The following STT3A variants were observed in gnomAD, a reference collection of about 807,000 sequenced individuals.
STT3A encodes STT3 oligosaccharyltransferase complex catalytic subunit A.
STT3A carries 34 observed loss-of-function variants against 89.2 expected under a neutral mutation model. The observed-to-expected ratio is 0.38, with a 90% CI of 0.29 to 0.51. The LOEUF (loss-of-function observed/expected upper bound fraction) is 0.51. Among genes scored for constraint, STT3A ranks in the 20% least tolerant of loss-of-function variants. The pLI is 0.89. For missense variants in STT3A, 555 were observed against 889.5 expected, an observed-to-expected ratio of 0.62 and a Z score of 4.78; for synonymous variants, 282 against 310.3, an observed-to-expected ratio of 0.91 and a Z score of 0.96.
At chr11:125,619,353 C>G (rs778648660) in intron 16 of STT3A, among the ~76,000 whole-genome samples, 7 of 152,114 alleles carry the variant, frequency 4.6e-5, no homozygotes, top group Non-Finnish European at 1.0e-4. Flanking sequence ...AGCCACCGCA[C>G]CCAGCCTGTT....
At chr11:125,607,021 T>C (rs1402709750) in intron 8 of STT3A, among the ~76,000 whole-genome samples, 1 of 152,222 alleles carries the variant, frequency 6.6e-6, no homozygotes, top group African/African-American at 2.4e-5. Context: ...CCCCAACTTA[T>C]GAAGCGTGAC....
At chr11:125,609,328 TTC>T (rs1333987198) in intron 9 of STT3A, 104 bp from the exon 10 acceptor site, 30 of 1,421,538 alleles carry the variant, frequency 2.1e-5, no homozygotes, top group Non-Finnish European at 2.8e-5. Context: ...AACCTAATCC[TTC>T]TCTGTCACTG....
At chr11:125,610,798 T>A (rs1939990232) in intron 10 of STT3A, 1 of 152,404 alleles carries the variant, frequency 6.6e-6, no homozygotes, top group Non-Finnish European at 1.5e-5. Flanking sequence ...TAGCTGGGCA[T>A]GGTAGTGTGC....
intron 17 of STT3A, among the ~76,000 whole-genome samples, chr11:125,620,357 C>G (rs568431169): frequency 6.6e-6 from 1 of 152,098 alleles, no homozygotes; most frequent in South Asian, 2.1e-4. Flanking sequence ...ACTTTTCCAG[C>G]TGGGGCTTGA....
Position 125,611,489 on chromosome 11 carries a change from T to C in STT3A, c.1179T>C (p.Gly393=), listed in dbSNP as rs769712876. ...CCCGGATTTTTATCATCATGTATGG[T>C]GTGACCAGCATGTACTTTTCAGCTG... ...SDARIFIIMY[G]VTSMYFSAVM... is the part of the protein sequence containing the mutation. The change falls in exon 11 of 18, where the codon GGT becomes GGC. Residue 393 remains glycine, a synonymous_variant. Coordinates refer to ENST00000392708, the MANE Select transcript of STT3A (RefSeq NM_152713.5). 93 of 1,613,954 alleles carry C rather than the reference T, an allele frequency of 5.8e-5. No homozygotes were observed. The highest frequency in any genetic ancestry group is 1.5e-4 in the African/African-American group (11 of 74,930).
rs1940362373 is a variant in STT3A, at chr11:125,621,999, T to C, written c.*1189T>C. ...ACAGTGAACTGTGATTGTGCCACTGTACTCCAGTCTGGGCGACAGTGAAAT... is the reference window on the plus strand; with the variant it reads ...ACAGTGAACTGTGATTGTGCCACTGCACTCCAGTCTGGGCGACAGTGAAAT... On this transcript the variant is annotated 3_prime_UTR_variant, in exon 18 of 18. Transcript: ENST00000392708. The C allele has an allele frequency of 6.6e-6, 1 of 152,216 alleles. No individual in the cohort carries two copies. The highest frequency in any genetic ancestry group is 2.4e-5 in the African/African-American group (1 of 41,454). 9.4% of individuals were successfully genotyped at this position (152,216 alleles called of 1,614,324 possible). A position where few individuals can be genotyped will look rare whatever the true frequency, so the allele number is the denominator to read the frequency against.
chr11:125,612,765 G>A lies in STT3A; in HGVS notation c.1365+18G>A. ...AGAATGAAGTGAGAAGCAATGTTAA[G>A]AGTAGACTTGGGAAACTCTGTGTGT... On this transcript the variant is annotated intron_variant, in intron 12 of 17. Transcript: ENST00000392708. The A allele has an allele frequency of 6.2e-7, 1 of 1,611,970 alleles. No individual in the cohort carries two copies. Among genetic ancestry groups the A allele is most frequent in the South Asian group, 1.1e-5 (1 of 90,730 alleles).
intron 15 of STT3A, among the ~76,000 whole-genome samples, chr11:125,616,728 A>AG (rs1940190206): frequency 6.6e-6 from 1 of 152,156 alleles, no homozygotes; most frequent in Non-Finnish European, 1.5e-5. Flanking sequence ...CCCAGGCTGG[A>AG]GTTCAGTGGC....
In STT3A at chr11:125,613,012, C is replaced by A; in HGVS notation, c.1389C>A (p.Val463=). 2 of 1,614,120 alleles carry A rather than the reference C, an allele frequency of 1.2e-6. No individual in the cohort carries two copies. The highest frequency in any genetic ancestry group is 2.2e-5 in the South Asian group (2 of 91,056). ...KNEVASGMIL[V]MAFFLITYTF... ...AGGTGGCAAGTGGGATGATACTGGT[C>A]ATGGCTTTCTTTCTCATCACCTACA... The change falls in exon 13 of 18, where the codon GTC becomes GTA. Residue 463 remains valine (V), a synonymous_variant. Transcript: ENST00000392708. The surrounding 1 kb of genome is among the most constrained non-coding windows in gnomAD (Gnocchi z 4.2).
At chr11:125,592,271 A>G (rs1003552121), upstream of STT3A, 15 of 384,418 alleles carry the variant, frequency 3.9e-5, no homozygotes, top group South Asian at 5.7e-5. Context: ...TTACCAAGGC[A>G]CAGTAAAAGC....
chr11:125,610,225 G>C (rs896860534), intron 10 of STT3A, among the ~76,000 whole-genome samples: 3 of 151,972 alleles, frequency 2.0e-5, no homozygotes, highest in Non-Finnish European at 4.4e-5. Context: ...ACCATGCCCA[G>C]CTAATTTTTG....
At chr11:125,616,741 G>T (rs11825320) in intron 15 of STT3A, among the ~76,000 whole-genome samples, 5,511 of 152,164 alleles carry the variant, frequency 0.036, 328 homozygotes, top group African/African-American at 0.12. Context: ...TCAGTGGCAC[G>T]ATGTCTGCTC....
intron 5 of STT3A, 24 bp downstream of exon 5, chr11:125,602,972 G>A (rs781225060): frequency 1.9e-5 from 30 of 1,613,358 alleles, no homozygotes; most frequent in Non-Finnish European, 2.0e-5. Context: ...GGTGACAGGA[G>A]GCTTGGGAAT....
intron 5 of STT3A, among the ~76,000 whole-genome samples, chr11:125,603,921 G>A (rs1939761026): frequency 6.6e-6 from 1 of 152,172 alleles, no homozygotes; most frequent in Admixed American, 6.5e-5. Context: ...TGATTTGTCT[G>A]TCCTCAGCAT....
At position 125,613,980 on chromosome 11, in the gene STT3A, A is replaced by T; in HGVS notation, c.1555-107A>T. On this transcript the variant is annotated intron_variant, in intron 13 of 17. Coordinates refer to ENST00000392708, the MANE Select transcript of STT3A (RefSeq NM_152713.5). This position sits in a 1 kb window ranked among gnomAD's most constrained non-coding sequence, Gnocchi z 4.2. ...GCATTACTTTGTGAAGAAATTGATT[A>T]GTTAGCCAGGTGTCACTTCTGTCAG... 1.1e-6 allele frequency: 1 copy of T among 875,750 alleles called. No individual in the cohort carries two copies. Among genetic ancestry groups the T allele is most frequent in the Non-Finnish European group, 1.8e-6 (1 of 540,892 alleles). 54.2% of individuals were successfully genotyped at this position (875,750 alleles called of 1,614,324 possible).
chr11:125,614,028 C>A lies in STT3A; in HGVS notation c.1555-59C>A, dbSNP rs368019195. On this transcript the variant is annotated intron_variant, in intron 13 of 17. Coordinates refer to ENST00000392708, the MANE Select transcript of STT3A (RefSeq NM_152713.5). This position sits in a 1 kb window ranked among gnomAD's most constrained non-coding sequence, Gnocchi z 4.9. ...CAGACCAAAGATGCCTTCTCTGTTG[C>A]ATTTGATTTTTAGAGACAGTGAGAA... is the stretch of plus-strand genomic sequence containing the variant. 6.7e-7 allele frequency: 1 copy of A among 1,485,874 alleles called. No homozygotes were observed. The allele number at this position is 1,485,874 out of a possible 1,614,324, so 92.0% of individuals were successfully genotyped here.
intron 9 of STT3A, 153 bp downstream of exon 9, chr11:125,608,442 GT>G (rs1158786518): frequency 1.3e-6 from 1 of 753,028 alleles, no homozygotes; most frequent in Non-Finnish European, 1.9e-6. Context: ...AGCCTCCTGA[GT>G]AGCTGGGATT....
rs1940339177 is a variant in STT3A, at chr11:125,621,216, A to T, written c.*406A>T. On this transcript the variant is annotated 3_prime_UTR_variant, in exon 18 of 18. Transcript: ENST00000392708. ...TCTCAAATCAGGAAAACTATCAAAG[A>T]CCAATTCAGATCCTACATTTACAGA... 1 of 162,348 alleles carries T rather than the reference A, an allele frequency of 6.2e-6. No homozygotes were observed. Among genetic ancestry groups the T allele is most frequent in the African/African-American group, 2.4e-5 (1 of 41,658 alleles). The allele number at this position is 162,348 out of a possible 1,614,324, so 10.1% of individuals were successfully genotyped here.
chr11:125,602,281 C>A, intron 3 of STT3A, 22 bp from the exon 4 acceptor site: 2 of 1,605,058 alleles, frequency 1.2e-6, no homozygotes, highest in Admixed American at 1.7e-5. Context: ...AAATTTACAA[C>A]AAAGTTTATT....
Sources: gnomAD v4.1 joint callset for allele counts (sites outside exome capture counted in the v4.1 genomes callset) on GRCh38, gnomAD v4.1.1 for gene constraint, Gnocchi (gnomAD v3.1) non-coding constraint, MANE v1.5 for transcripts, NCBI Gene and HGNC (gene_info 2026-07-23, HGNC 2026-07-21) for gene names.